The following TRAK2 variants were observed in gnomAD, a reference collection of about 807,000 sequenced individuals.
TRAK2 encodes the protein trafficking kinesin-binding protein 2.
TRAK2 carries 81 observed loss-of-function variants against 104.6 expected under a neutral mutation model. The observed-to-expected ratio is 0.77, with a 90% CI of 0.65 to 0.93. TRAK2 has a LOEUF of 0.93. Ranked by LOEUF, TRAK2 falls within the 40% of genes least tolerant of loss-of-function variation. TRAK2 has a pLI of 0.00. For missense variants in TRAK2, 1,002 were observed against 1,089.0 expected (o/e 0.92, Z 1.12); for synonymous variants, 406 against 394.4 (o/e 1.03, Z -0.35).
intron 7 of TRAK2, 35 bp downstream of exon 7, chr2:201,397,467 C>CA: frequency 6.5e-7 from 1 of 1,528,286 alleles, no homozygotes; most frequent in South Asian, 1.2e-5. Context: ...AAGAATTGTC[C>CA]AAAAAGGTAC....
At chr2:201,445,362 A>G (rs1272057524) in intron 1 of TRAK2, among the ~76,000 whole-genome samples, 1 of 152,162 alleles carries the variant, frequency 6.6e-6, no homozygotes, top group Non-Finnish European at 1.5e-5. Flanking sequence ...CAAAAGTACT[A>G]AAAAAAGATA....
At chr2:201,401,746 C>T (rs1172946804) in intron 3 of TRAK2, among the ~76,000 whole-genome samples, 1 of 152,012 alleles carries the variant, frequency 6.6e-6, no homozygotes, top group Non-Finnish European at 1.5e-5. Context: ...TGTATTTCTG[C>T]ACTTCACAAG....
chr2:201,432,356 C>T (rs1003866611), intron 1 of TRAK2, among the ~76,000 whole-genome samples: 2 of 152,220 alleles, frequency 1.3e-5, no homozygotes, highest in African/African-American at 4.8e-5. Flanking sequence ...GTATTCTGTG[C>T]ACTTTTTTCA....
intron 8 of TRAK2, 66 bp from the exon 9 acceptor site, chr2:201,394,938 T>A: frequency 7.5e-7 from 1 of 1,340,850 alleles, no homozygotes; most frequent in Non-Finnish European, 1.0e-6. Context: ...CTCTTTCTTA[T>A]AAAGACATGT....
chr2:201,439,884 T>C (rs1951906398), intron 1 of TRAK2, among the ~76,000 whole-genome samples: 1 of 127,340 alleles, frequency 7.9e-6, no homozygotes, highest in African/African-American at 3.0e-5. Context: ...AATTGAACAA[T>C]GAGAAAACAT....
chr2:201,399,728 T>C (rs561015610), intron 4 of TRAK2, among the ~76,000 whole-genome samples: 3 of 152,236 alleles, frequency 2.0e-5, no homozygotes, highest in African/African-American at 7.2e-5. Flanking sequence ...CTTTTCTTGA[T>C]ATCAAGTGAG....
intron 2 of TRAK2, chr2:201,411,908 A>G: frequency 9.6e-7 from 1 of 1,038,684 alleles, no homozygotes; most frequent in South Asian, 1.3e-5. Flanking sequence ...AAAGGTTGGA[A>G]TGATGTTTAG....
chr2:201,405,451 G>T (rs1951585592), intron 3 of TRAK2, among the ~76,000 whole-genome samples: 1 of 152,176 alleles, frequency 6.6e-6, no homozygotes, highest in African/African-American at 2.4e-5. Context: ...ACTTGTGTGT[G>T]CATCAGTATC....
chr2:201,413,322 G>A (rs1951664257), intron 2 of TRAK2: 1 of 1,152,478 alleles, frequency 8.7e-7, no homozygotes, highest in South Asian at 1.5e-5. Flanking sequence ...TGCAATATTG[G>A]GTAGTTATAG....
chr2:201,401,485 G>A (rs1951550382), intron 3 of TRAK2, among the ~76,000 whole-genome samples: 1 of 151,984 alleles, frequency 6.6e-6, no homozygotes, highest in African/African-American at 2.4e-5. Context: ...GTATCAGTGA[G>A]GGGTTATGCT....
intron 13 of TRAK2, 109 bp downstream of exon 13, chr2:201,387,594 A>G: frequency 8.5e-7 from 1 of 1,170,578 alleles, no homozygotes; most frequent in South Asian, 1.6e-5. Flanking sequence ...AGGGATAAAA[A>G]GATCATCTGC....
At position 201,422,014 on chromosome 2, in the gene TRAK2, T is replaced by C. The variant is rs556351931; in HGVS notation, c.-199-1308A>G. Among the ~76,000 whole-genome samples the C allele has an allele frequency of 2.1e-5, 3 of 140,072 alleles. No individual in the cohort carries two copies. In the East Asian group the frequency reaches 6.3e-4, roughly 29 times the overall value. The allele number at this position is 140,072 out of a possible 152,430, so 91.9% of individuals were successfully genotyped here. A position where few individuals can be genotyped will look rare whatever the true frequency, so the allele number is the denominator to read the frequency against. On this transcript the variant is annotated intron_variant, in intron 1 of 15. Coordinates refer to ENST00000332624, the MANE Select transcript of TRAK2 (RefSeq NM_015049.3). ...CAGTGAGCTGAGATTGCGCCAACTG[T>C]ACTCCAGCCTGGGTGACAGAGCAAG... is the stretch of plus-strand genomic sequence containing the variant.
rs961690651 is a variant in TRAK2, at chr2:201,378,239, T to C, written c.*2304A>G. On this transcript the variant is annotated 3_prime_UTR_variant, in exon 16 of 16. Coordinates refer to ENST00000332624, the MANE Select transcript of TRAK2 (RefSeq NM_015049.3). ...AAGCCTGGTTCTTTTTGATCAGATG[T>C]GCTTATTTGGCTGCTAATACACCCC... 6.6e-6 allele frequency: 1 copy of C among 152,194 alleles called. No individual in the cohort carries two copies. Among genetic ancestry groups the C allele is most frequent in the African/African-American group, 2.4e-5 (1 of 41,430 alleles). 9.4% of individuals were successfully genotyped at this position (152,194 alleles called of 1,614,324 possible). A position where few individuals can be genotyped will look rare whatever the true frequency, so the allele number is the denominator to read the frequency against.
Position 201,397,550 on chromosome 2 carries a change from A to C in TRAK2, c.721T>G (p.Tyr241Asp). 6.2e-7 allele frequency: 1 copy of C among 1,612,940 alleles called. No individual in the cohort carries two copies. Among genetic ancestry groups the C allele is most frequent in the Non-Finnish European group, 8.5e-7 (1 of 1,179,188 alleles). Reference sequence around the variant, plus strand: ...ACAAGCTGTTGTTCCTTTTCTTCATAGGTAACAGTTTCTGTCTTTATGTGA... The same window carrying C: ...ACAAGCTGTTGTTCCTTTTCTTCATCGGTAACAGTTTCTGTCTTTATGTGA... ...ACHIKTETVT[Y>D]EEKEQQLVSD... Residue 241 changes from tyrosine (Y) to aspartate (D), a missense_variant, in exon 7 of 16, where the codon TAT becomes GAT. Physicochemically the swap from Tyr to Asp is radical, Grantham distance 160. Transcript: ENST00000332624.
At chr2:201,434,330 CT>C (rs1951866329) in intron 1 of TRAK2, among the ~76,000 whole-genome samples, 1 of 152,138 alleles carries the variant, frequency 6.6e-6, no homozygotes, top group Non-Finnish European at 1.5e-5. Context: ...ACAATTTCTA[CT>C]TTTGTGCCCA....
At chr2:201,421,243 T>C (rs933754269) in intron 1 of TRAK2, among the ~76,000 whole-genome samples, 1 of 152,228 alleles carries the variant, frequency 6.6e-6, no homozygotes, top group South Asian at 2.1e-4. Flanking sequence ...GGGCATATAC[T>C]GTTGTAAGGC....
intron 7 of TRAK2, 134 bp downstream of exon 7, chr2:201,397,368 T>G (rs1044435272): frequency 1.7e-6 from 1 of 581,640 alleles, no homozygotes; most frequent in Non-Finnish European, 3.1e-6. Context: ...TGTGATATTC[T>G]AAGATTTTCA....
In TRAK2 at chr2:201,381,088, T is replaced by C; in HGVS notation, c.2200A>G (p.Thr734Ala). ...GCCAAGCTCATGGTGCTACTGAAGG[T>C]TGTAGTGGAATCTCGTCGGTTGGTG... ...SITNRRDSTT[T>A]FSSTMSLAKL... The change falls in exon 16 of 16, where the codon ACC becomes GCC. Residue 734 changes from threonine (T) to alanine (A), a missense_variant. Coordinates refer to ENST00000332624, the MANE Select transcript of TRAK2 (RefSeq NM_015049.3). The C allele has an allele frequency of 6.2e-6, 10 of 1,614,016 alleles. No homozygotes were observed. Among genetic ancestry groups the C allele is most frequent in the Non-Finnish European group, 8.5e-6 (10 of 1,179,978 alleles).
At chr2:201,393,946 C>T (rs1951472994) in intron 9 of TRAK2, among the ~76,000 whole-genome samples, 1 of 152,156 alleles carries the variant, frequency 6.6e-6, no homozygotes, top group Admixed American at 6.5e-5. Context: ...ACGAAGGTTT[C>T]CTTATGTTGT....
Sources: gnomAD v4.1 joint callset for allele counts (sites outside exome capture counted in the v4.1 genomes callset) on GRCh38, gnomAD v4.1.1 for gene constraint, MANE v1.5 for transcripts, NCBI Gene and HGNC (gene_info 2026-07-23, HGNC 2026-07-21) for gene names.